PRKG1: variants seen among roughly 807,000 people sequenced by gnomAD.
PRKG1 encodes the protein cGMP-dependent protein kinase 1.
PRKG1 carries 35 observed loss-of-function variants against 88.1 expected under a neutral mutation model. The observed-to-expected ratio is 0.40, with a 90% CI of 0.30 to 0.53. PRKG1 has a LOEUF of 0.53. PRKG1 is among the 20% of genes least tolerant of loss of function. PRKG1 has a pLI of 0.59. For synonymous variants in PRKG1, 303 were observed against 292.5 expected, an observed-to-expected ratio of 1.04 and a Z score of -0.37; for missense variants, 540 against 839.8, an observed-to-expected ratio of 0.64 and a Z score of 4.41.
intron 3 of PRKG1, among the ~76,000 whole-genome samples, chr10:51,607,272 C>T (rs773554772): frequency 3.3e-5 from 5 of 152,104 alleles, no homozygotes; most frequent in South Asian, 2.1e-4. Context: ...AATTTTTTAC[C>T]GTCCTTAGTA....
chr10:51,062,190 T>C, intron 1 of PRKG1, among the ~76,000 whole-genome samples: 1 of 152,216 alleles, frequency 6.6e-6, no homozygotes, highest in South Asian at 2.1e-4. Context: ...TCTTATTGAG[T>C]ACATGGTTAT....
At chr10:52,106,910 T>C (rs1307530419) in intron 7 of PRKG1, among the ~76,000 whole-genome samples, 1 of 152,156 alleles carries the variant, frequency 6.6e-6, no homozygotes, top group Non-Finnish European at 1.5e-5. Flanking sequence ...TAAATTATTC[T>C]AAAGCACCCT....
chr10:51,891,435 GA>G (rs1841718868), intron 4 of PRKG1, among the ~76,000 whole-genome samples: 1 of 152,052 alleles, frequency 6.6e-6, no homozygotes, highest in Non-Finnish European at 1.5e-5. Flanking sequence ...CATCGAATAA[GA>G]ACTTTGACTA....
rs182012536 is a variant in PRKG1, at chr10:51,238,466, C to T, written c.478+85136C>T. Among the ~76,000 whole-genome samples the T allele has an allele frequency of 1.0e-3, 159 of 152,186 alleles. 1 individual carries two copies. The highest frequency in any genetic ancestry group is 3.5e-3 in the African/African-American group (145 of 41,514). ...GGCGTGGTGGCGGGCCCCGTTATCC[C>T]AGCTACTCAGGAGGCTGAGGCAGGA... On this transcript the variant is annotated intron_variant, in intron 2 of 17. Transcript: ENST00000373980.
At chr10:51,236,694 C>T (rs766185475) in intron 2 of PRKG1, among the ~76,000 whole-genome samples, 17 of 151,832 alleles carry the variant, frequency 1.1e-4, no homozygotes, top group Non-Finnish European at 2.4e-4. Context: ...GTAGAGACTA[C>T]GGGGTTTCAC....
chr10:52,169,724 A>G (rs544179513), intron 9 of PRKG1, among the ~76,000 whole-genome samples: 2 of 152,350 alleles, frequency 1.3e-5, no homozygotes, highest in East Asian at 1.9e-4. Flanking sequence ...AAAGGCTACA[A>G]ATGAATCTAA....
chr10:51,167,289 A>G (rs1285558562), intron 2 of PRKG1, among the ~76,000 whole-genome samples: 1 of 152,186 alleles, frequency 6.6e-6, no homozygotes, highest in African/African-American at 2.4e-5. Context: ...GAACCAAACA[A>G]AAGTGTGGGT....
intron 2 of PRKG1, among the ~76,000 whole-genome samples, chr10:51,303,013 G>A (rs1589335522): frequency 1.3e-5 from 2 of 152,154 alleles, no homozygotes; most frequent in Admixed American, 6.5e-5. Flanking sequence ...ACCAGGGAAA[G>A]AAGGGAATAA....
At chr10:51,256,361 A>G (rs74133552) in intron 2 of PRKG1, among the ~76,000 whole-genome samples, 4 of 152,292 alleles carry the variant, frequency 2.6e-5, no homozygotes, top group African/African-American at 4.8e-5. Flanking sequence ...TCCCAAAGCT[A>G]TAAAACTTGT....
intron 4 of PRKG1, among the ~76,000 whole-genome samples, chr10:51,895,110 C>A (rs1308945334): frequency 6.6e-6 from 1 of 152,150 alleles, no homozygotes; most frequent in African/African-American, 2.4e-5. Context: ...TTAAATTAAT[C>A]ATCTGGACTG....
At chr10:52,060,243 A>G (rs576541808) in intron 6 of PRKG1, among the ~76,000 whole-genome samples, 92 of 152,096 alleles carry the variant, frequency 6.0e-4, no homozygotes, top group African/African-American at 1.6e-3. Flanking sequence ...CACACCATAC[A>G]TAATGGCAGT....
At chr10:52,056,167 A>C (rs756711157) in intron 6 of PRKG1, among the ~76,000 whole-genome samples, 1 of 152,176 alleles carries the variant, frequency 6.6e-6, no homozygotes, top group Non-Finnish European at 1.5e-5. Flanking sequence ...ATGTTAGAAG[A>C]TAAGAAAATT....
intron 8 of PRKG1, among the ~76,000 whole-genome samples, chr10:52,134,855 C>G (rs1837362290): frequency 6.6e-6 from 1 of 152,106 alleles, no homozygotes; most frequent in Non-Finnish European, 1.5e-5. Context: ...TGCTGGATCA[C>G]TAGAACCAGA....
intron 4 of PRKG1, among the ~76,000 whole-genome samples, chr10:51,894,369 T>C (rs1841791507): frequency 6.6e-6 from 1 of 152,112 alleles, no homozygotes; most frequent in South Asian, 2.1e-4. Flanking sequence ...GTCAAATTCA[T>C]AGAGAGAGAA....
intron 2 of PRKG1, among the ~76,000 whole-genome samples, chr10:51,350,616 C>T (rs1266429612): frequency 1.3e-5 from 2 of 151,996 alleles, no homozygotes; most frequent in Non-Finnish European, 2.9e-5. Context: ...GCATCTAAAT[C>T]GGAAAGGAAG....
At chr10:52,218,361 A>G (rs1564520198) in intron 9 of PRKG1, among the ~76,000 whole-genome samples, 1 of 152,104 alleles carries the variant, frequency 6.6e-6, no homozygotes, top group African/African-American at 2.4e-5. Flanking sequence ...GCACAAGGCC[A>G]TATAGAGAGA....
intron 2 of PRKG1, among the ~76,000 whole-genome samples, chr10:51,344,817 A>G (rs573570531): frequency 1.3e-5 from 2 of 152,316 alleles, no homozygotes; most frequent in South Asian, 4.1e-4. Context: ...ATAAAATGCT[A>G]AATTAACAAG....
chr10:51,380,418 G>A (rs939899787), intron 2 of PRKG1, among the ~76,000 whole-genome samples: 1 of 152,292 alleles, frequency 6.6e-6, no homozygotes, highest in South Asian at 2.1e-4. Flanking sequence ...TGAAAAAAGA[G>A]ATTTTTTTGT....
At chr10:51,770,268 C>G (rs573379697) in intron 3 of PRKG1, among the ~76,000 whole-genome samples, 1 of 152,134 alleles carries the variant, frequency 6.6e-6, no homozygotes, top group Non-Finnish European at 1.5e-5. Flanking sequence ...ACTATCTGAA[C>G]AGTAAAAGAG....
Sources: gnomAD v4.1 joint callset for allele counts (sites outside exome capture counted in the v4.1 genomes callset) on GRCh38, gnomAD v4.1.1 for gene constraint, MANE v1.5 for transcripts, NCBI Gene and HGNC (gene_info 2026-07-23, HGNC 2026-07-21) for gene names.